HMCN1: variants seen among roughly 807,000 people sequenced by gnomAD.
The protein encoded by HMCN1 is hemicentin-1.
A neutral mutation model predicts 625.9 loss-of-function variants in HMCN1; 321 were observed. The observed-to-expected ratio is 0.51, with a 90% CI of 0.47 to 0.56. HMCN1 has a LOEUF of 0.56. HMCN1 is among the 20% of genes least tolerant of loss of function. The pLI is 0.00. For synonymous variants in HMCN1, 2,425 were observed against 2,417.6 expected, an observed-to-expected ratio of 1.00 and a Z score of -0.09; for missense variants, 6,588 against 6,887.3, an observed-to-expected ratio of 0.96 and a Z score of 1.54.
At chr1:185,765,674 A>T (rs1201479665) in intron 1 of HMCN1, among the ~76,000 whole-genome samples, 1 of 152,202 alleles carries the variant, frequency 6.6e-6, no homozygotes, top group Non-Finnish European at 1.5e-5. Context: ...TGAGTAATTT[A>T]ACTTGAGACT....
chr1:186,069,629 T>A, intron 50 of HMCN1, 34 bp from the exon 51 acceptor site: 1 of 1,409,142 alleles, frequency 7.1e-7, no homozygotes, highest in South Asian at 1.2e-5. Flanking sequence ...TCACTGTGAT[T>A]TTAGAGACTC....
At chr1:186,134,096 TAGTA>T (rs1444847266) in intron 86 of HMCN1, among the ~76,000 whole-genome samples, 1 of 152,178 alleles carries the variant, frequency 6.6e-6, no homozygotes, top group African/African-American at 2.4e-5. Context: ...AAATTCATTT[TAGTA>T]AGTGAGGCAT....
At chr1:185,973,608 G>C (rs1340080285) in intron 15 of HMCN1, among the ~76,000 whole-genome samples, 1 of 151,558 alleles carries the variant, frequency 6.6e-6, no homozygotes, top group Non-Finnish European at 1.5e-5. Context: ...ATTATGAAAA[G>C]GCTATTTAAT....
rs149534805 is a variant in HMCN1 at position 186,081,185 on chromosome 1, C to A, written c.8600-22C>A. ...AAAAGACTGTTGCCCATTTTTCTCC[C>A]TTTGTTGCAATCCTTTGTTAGTGCC... is the stretch of plus-strand genomic sequence containing the variant. On this transcript the variant is annotated intron_variant, in intron 55 of 106. Coordinates refer to ENST00000271588, the MANE Select transcript of HMCN1 (RefSeq NM_031935.3). 2.0e-4 allele frequency: 318 copies of A among 1,603,868 alleles called. 3 individuals carry two copies. The African/African-American group carries it at 3.9e-3, about 20-fold the overall frequency.
chr1:185,771,054 G>C (rs1267385679), intron 1 of HMCN1, among the ~76,000 whole-genome samples: 1 of 152,184 alleles, frequency 6.6e-6, no homozygotes, highest in Non-Finnish European at 1.5e-5. Context: ...GGACCATGTT[G>C]TAGCATTGTT....
chr1:186,167,327 A>G (rs1036959284), intron 100 of HMCN1, among the ~76,000 whole-genome samples: 2 of 152,210 alleles, frequency 1.3e-5, no homozygotes, highest in African/African-American at 4.8e-5. Flanking sequence ...GATGTTTTTA[A>G]TAGGCTATTT....
At chr1:185,845,461 T>A (rs933913971) in intron 1 of HMCN1, among the ~76,000 whole-genome samples, 1 of 152,196 alleles carries the variant, frequency 6.6e-6, no homozygotes, top group African/African-American at 2.4e-5. Context: ...CCTCAAATGA[T>A]CTGCCCGCCT....
At chr1:186,047,263 A>G (rs1260532737) in intron 41 of HMCN1, among the ~76,000 whole-genome samples, 1 of 152,126 alleles carries the variant, frequency 6.6e-6, no homozygotes, top group Non-Finnish European at 1.5e-5. Flanking sequence ...CTACACATGA[A>G]AAAAGAAGAA....
At chr1:186,137,041 A>G (rs969290038) in intron 87 of HMCN1, 104 bp downstream of exon 87, 3 of 1,347,306 alleles carry the variant, frequency 2.2e-6, no homozygotes, top group African/African-American at 2.9e-5. Flanking sequence ...ACCTTAACAT[A>G]CTTTTAGATG....
chr1:186,164,409 T>C (rs1651740443), intron 97 of HMCN1, among the ~76,000 whole-genome samples: 2 of 151,936 alleles, frequency 1.3e-5, no homozygotes, highest in Non-Finnish European at 2.9e-5. Context: ...CTGGCTAATT[T>C]TTTGTATTTT....
intron 5 of HMCN1, among the ~76,000 whole-genome samples, chr1:185,910,885 A>G (rs563218538): frequency 1.3e-5 from 2 of 152,226 alleles, no homozygotes; most frequent in South Asian, 2.1e-4. Flanking sequence ...ATTTCTTTAT[A>G]TAACTGGAGA....
Position 186,062,591 on chromosome 1 carries a change from G to A in HMCN1, c.7504G>A (p.Glu2502Lys). 3 of 1,608,602 alleles carry A rather than the reference G, an allele frequency of 1.9e-6. No homozygotes were observed. Among genetic ancestry groups the A allele is most frequent in the South Asian group, 1.1e-5 (1 of 90,986 alleles). ...GAAACAGAGTGTTACGCTGACTTGTGAAGTGACAGGTATGGGCTCAGCTCT... is the reference window on the plus strand; with the variant it reads ...GAAACAGAGTGTTACGCTGACTTGTAAAGTGACAGGTATGGGCTCAGCTCT... ...KEKQSVTLTCEVTGNPVPEIT... is the reference protein window; with the variant it reads ...KEKQSVTLTCKVTGNPVPEIT... The change falls in exon 48 of 107, where the codon GAA becomes AAA. Residue 2502 changes from glutamate (E) to lysine (K), a missense_variant. Glu to Lys is a moderately conservative substitution (Grantham distance 56). Coordinates refer to ENST00000271588, the MANE Select transcript of HMCN1 (RefSeq NM_031935.3).
At chr1:186,031,931 T>A (rs1340020788) in intron 36 of HMCN1, among the ~76,000 whole-genome samples, 1 of 152,082 alleles carries the variant, frequency 6.6e-6, no homozygotes, top group Non-Finnish European at 1.5e-5. Context: ...TCTTGGAACA[T>A]TCAGTCATCC....
At chr1:185,785,101 C>A (rs951259330) in intron 1 of HMCN1, among the ~76,000 whole-genome samples, 2 of 152,088 alleles carry the variant, frequency 1.3e-5, no homozygotes, top group African/African-American at 4.8e-5. Flanking sequence ...ATTTTGACTG[C>A]TTCTGGCTTT....
chr1:186,175,863 T>C (rs1482228647), intron 103 of HMCN1, among the ~76,000 whole-genome samples: 9 of 81,136 alleles, frequency 1.1e-4, no homozygotes, highest in African/African-American at 1.1e-4. Context: ...ACAATAAGAG[T>C]GAAACTATGT....
At chr1:186,063,505 GGAAGGA>G in intron 48 of HMCN1, among the ~76,000 whole-genome samples, 1 of 132,720 alleles carries the variant, frequency 7.5e-6, no homozygotes, top group Non-Finnish European at 1.6e-5. Context: ...AAGGAAGGAA[GGAAGGA>G]AGGGAGTCTT....
intron 1 of HMCN1, among the ~76,000 whole-genome samples, chr1:185,816,154 C>A (rs1347132107): frequency 7.1e-6 from 1 of 140,452 alleles, no homozygotes; most frequent in Non-Finnish European, 1.5e-5. Flanking sequence ...ATTTCTCACT[C>A]ACTATCTGGT....
intron 1 of HMCN1, among the ~76,000 whole-genome samples, chr1:185,749,061 T>C (rs750553119): frequency 1.1e-4 from 16 of 152,208 alleles, no homozygotes; most frequent in Non-Finnish European, 1.5e-4. Flanking sequence ...TGCCAGTTTA[T>C]ATGGTGTTGT....
chr1:185,952,950 G>A lies in HMCN1; in HGVS notation c.1829-9568G>A, dbSNP rs558392867. On this transcript the variant is annotated intron_variant, in intron 11 of 106. Transcript: ENST00000271588. ...AGGGATTGGGGCACAGAGATAAGAG[G>A]TTGGGGTGCAGAAATAAGGGATTGG... is the stretch of plus-strand genomic sequence containing the variant. Among the ~76,000 whole-genome samples, 3 of 151,664 alleles carry A rather than the reference G, an allele frequency of 2.0e-5. No homozygotes were observed. The South Asian group carries it at 6.3e-4, about 32-fold the overall frequency.
Sources: gnomAD v4.1 joint callset for allele counts (sites outside exome capture counted in the v4.1 genomes callset) on GRCh38, gnomAD v4.1.1 for gene constraint, MANE v1.5 for transcripts, NCBI Gene and HGNC (gene_info 2026-07-23, HGNC 2026-07-21) for gene names.